The following PLXDC1 variants were observed in gnomAD, a reference collection of about 807,000 sequenced individuals.
PLXDC1 encodes the protein plexin domain-containing protein 1.
PLXDC1 carries 39 observed loss-of-function variants against 61.3 expected under a neutral mutation model. That is an observed-to-expected ratio of 0.64 (90% CI 0.49 to 0.83). The LOEUF (loss-of-function observed/expected upper bound fraction) is 0.83, where lower values mean the gene tolerates loss of function less well. PLXDC1 is among the 40% of genes least tolerant of loss of function. The probability of loss-of-function intolerance (pLI) is 0.00; values close to 1 mark genes in which losing one functional copy is unlikely to be tolerated. For missense variants in PLXDC1, 596 were observed against 666.5 expected, an observed-to-expected ratio of 0.89 and a Z score of 1.17; for synonymous variants, 212 against 254.5, an observed-to-expected ratio of 0.83 and a Z score of 1.59.
Position 39,141,495 on chromosome 17 carries a change from C to T in PLXDC1, c.77-1663G>A, listed in dbSNP as rs1911932567. Among the ~76,000 whole-genome samples the T allele has an allele frequency of 2.0e-5, 3 of 152,194 alleles. No homozygotes were observed. In the South Asian group the frequency reaches 6.2e-4, roughly 31 times the overall value. On this transcript the variant is annotated intron_variant, in intron 1 of 13. Transcript: ENST00000315392. ...TTCCTTTTGAAGGCTGAATAATATT[C>T]CATTGTGTGGATATACCACATTTTG...
chr17:39,133,234 A>C (rs1203039262), intron 2 of PLXDC1, among the ~76,000 whole-genome samples: 2 of 152,110 alleles, frequency 1.3e-5, no homozygotes, highest in African/African-American at 4.8e-5. Flanking sequence ...TGGGGGTATC[A>C]CCAGCATTCT....
chr17:39,124,151 C>A (rs1350098386), intron 2 of PLXDC1, among the ~76,000 whole-genome samples: 1 of 152,162 alleles, frequency 6.6e-6, no homozygotes, highest in Non-Finnish European at 1.5e-5. Context: ...GATTATTGGG[C>A]CCAACCCCAA....
In PLXDC1 at chr17:39,151,303, C is replaced by G. The variant is rs964065877; in HGVS notation, c.76+59G>C. On this transcript the variant is annotated intron_variant, in intron 1 of 13. Transcript: ENST00000315392. The surrounding 1 kb of genome is among the most constrained non-coding windows in gnomAD (Gnocchi z 5.2). Reference sequence around the variant, plus strand: ...CCGTCCACACCTGCCCATGCCCACACCTGACTGCCCGTCCCTCCCCGCCCC... The same window carrying G: ...CCGTCCACACCTGCCCATGCCCACAGCTGACTGCCCGTCCCTCCCCGCCCC... 1 of 1,219,644 alleles carries G rather than the reference C, an allele frequency of 8.2e-7. No individual in the cohort carries two copies. The highest frequency in any genetic ancestry group is 1.0e-6 in the Non-Finnish European group (1 of 965,520). 75.6% of individuals were successfully genotyped at this position (1,219,644 alleles called of 1,614,324 possible).
chr17:39,116,551 C>T (rs1910972621), intron 2 of PLXDC1, among the ~76,000 whole-genome samples: 1 of 152,234 alleles, frequency 6.6e-6, no homozygotes, highest in South Asian at 2.1e-4. Context: ...CAGCTGCCTC[C>T]TCTGGGAATC....
chr17:39,087,389 A>G (rs1343602948), intron 8 of PLXDC1, among the ~76,000 whole-genome samples: 2 of 152,160 alleles, frequency 1.3e-5, no homozygotes, highest in Non-Finnish European at 2.9e-5. Context: ...TCAATGTCAG[A>G]GCTGCGGCCG....
intron 1 of PLXDC1, among the ~76,000 whole-genome samples, chr17:39,143,708 G>A (rs1264902877): frequency 6.6e-6 from 1 of 152,206 alleles, no homozygotes; most frequent in Non-Finnish European, 1.5e-5. Context: ...GACCCTTGCC[G>A]GCCCCCTCTC....
rs375473667 is a variant in PLXDC1, at chr17:39,119,912, A to G, written c.256-10521T>C. Reference sequence around the variant, plus strand: ...AACTGAATGGACCCCCTCTTGGCCAATGAGACCCCAGAAAAGCTGAGTTCC... The same window carrying G: ...AACTGAATGGACCCCCTCTTGGCCAGTGAGACCCCAGAAAAGCTGAGTTCC... On this transcript the variant is annotated intron_variant, in intron 2 of 13. Transcript: ENST00000315392. Among the ~76,000 whole-genome samples the G allele has an allele frequency of 4.6e-5, 7 of 152,182 alleles. No individual in the cohort carries two copies. The South Asian group carries it at 1.5e-3, about 32-fold the overall frequency.
chr17:39,106,557 G>T (rs1910595670), intron 6 of PLXDC1, among the ~76,000 whole-genome samples: 1 of 151,286 alleles, frequency 6.6e-6, no homozygotes, highest in African/African-American at 2.4e-5. Flanking sequence ...CTGGGTTAAA[G>T]CAATCTTCCC....
rs1909402813 is a variant in PLXDC1, at chr17:39,077,906, A to G, written c.1186+7T>C. Reference sequence around the variant, plus strand: ...CTCTCTGCTCCCCTCCTGGGCTCAGAACTTACCTTCTGTGGTGAGGCTGTC... The same window carrying G: ...CTCTCTGCTCCCCTCCTGGGCTCAGGACTTACCTTCTGTGGTGAGGCTGTC... On this transcript the variant is annotated splice_region_variant and intron_variant, in intron 11 of 13. Coordinates refer to ENST00000315392, the MANE Select transcript of PLXDC1 (RefSeq NM_020405.5). 1.9e-6 allele frequency: 3 copies of G among 1,614,098 alleles called. No individual in the cohort carries two copies. In the East Asian group the frequency reaches 6.7e-5, roughly 36 times the overall value.
rs9904756 is a variant in PLXDC1, at chr17:39,067,540, G to T, written c.*300C>A. 67,946 of 260,658 alleles carry T rather than the reference G, an allele frequency of 0.26. 9,435 individuals are homozygous for T. Among genetic ancestry groups the T allele is most frequent in the Non-Finnish European group, 0.28 (38,393 of 136,910 alleles). 16.1% of individuals were successfully genotyped at this position (260,658 alleles called of 1,614,324 possible). A position where few individuals can be genotyped will look rare whatever the true frequency, so the allele number is the denominator to read the frequency against. ...GGTAAAGGCCCCTTAAACAAAAATG[G>T]AGTTAGTTATGTTAGTTCTTCTGCT... On this transcript the variant is annotated 3_prime_UTR_variant, in exon 14 of 14. Coordinates refer to ENST00000315392, the MANE Select transcript of PLXDC1 (RefSeq NM_020405.5).
chr17:39,104,216 T>C lies in PLXDC1; in HGVS notation c.811+1638A>G, dbSNP rs994659686. On this transcript the variant is annotated intron_variant, in intron 7 of 13. Coordinates refer to ENST00000315392, the MANE Select transcript of PLXDC1 (RefSeq NM_020405.5). Reference sequence around the variant, plus strand: ...ATCGCCTGCGTGTTTGCAGCAGCTGTAGGGGCAAAGTATCACTCTTATCCC... The same window carrying C: ...ATCGCCTGCGTGTTTGCAGCAGCTGCAGGGGCAAAGTATCACTCTTATCCC... 3.9e-5 allele frequency among the ~76,000 whole-genome samples: 6 copies of C among 152,184 alleles called. No homozygotes were observed. The South Asian group carries it at 6.2e-4, about 16-fold the overall frequency.
intron 2 of PLXDC1, chr17:39,137,684 G>A (rs1347250421): frequency 1.3e-5 from 2 of 152,338 alleles, no homozygotes; most frequent in East Asian, 1.9e-4. Context: ...TTTTCCCTCT[G>A]TGCAACCTTT....
intron 9 of PLXDC1, among the ~76,000 whole-genome samples, chr17:39,082,164 A>G (rs1206846047): frequency 6.6e-6 from 1 of 152,198 alleles, no homozygotes; most frequent in African/African-American, 2.4e-5. Context: ...CAGGCTGCCT[A>G]TAAAGGCGAG....
Position 39,095,353 on chromosome 17 carries a change from A to C in PLXDC1, c.812-7651T>G, listed in dbSNP as rs766741082. Among the ~76,000 whole-genome samples, 638 of 135,168 alleles carry C rather than the reference A, an allele frequency of 4.7e-3. 5 individuals are homozygous for C. Among genetic ancestry groups the C allele is most frequent in the Admixed American group, 0.011 (143 of 13,180 alleles). The allele number at this position is 135,168 out of a possible 152,430, so 88.7% of individuals were successfully genotyped here. A position where few individuals can be genotyped will look rare whatever the true frequency, so the allele number is the denominator to read the frequency against. ...AATATTTTTATTTTTTTAATAAAAGAATCCTTACGCCCCGCCCCCCCCCCC... is the reference window on the plus strand; with the variant it reads ...AATATTTTTATTTTTTTAATAAAAGCATCCTTACGCCCCGCCCCCCCCCCC... On this transcript the variant is annotated intron_variant, in intron 7 of 13. Transcript: ENST00000315392.
At chr17:39,069,078 C>G (rs1264597826) in intron 13 of PLXDC1, among the ~76,000 whole-genome samples, 1 of 152,124 alleles carries the variant, frequency 6.6e-6, no homozygotes, top group Non-Finnish European at 1.5e-5. Context: ...CAGAGGGCAG[C>G]TCTTATCATT....
At chr17:39,084,630 A>G (rs1882473) in intron 8 of PLXDC1, among the ~76,000 whole-genome samples, 117,524 of 152,144 alleles carry the variant, frequency 0.77, 45,709 homozygotes, top group Middle Eastern at 0.86. Context: ...CCCAGACGTG[A>G]TCCCAGCAGC....
intron 1 of PLXDC1, among the ~76,000 whole-genome samples, chr17:39,143,254 T>C (rs1431814283): frequency 6.6e-6 from 1 of 152,166 alleles, no homozygotes; most frequent in Non-Finnish European, 1.5e-5. Flanking sequence ...TGGATGTATA[T>C]ATGAGAACAG....
chr17:39,101,852 G>A (rs1435806540), intron 7 of PLXDC1, among the ~76,000 whole-genome samples: 4 of 152,166 alleles, frequency 2.6e-5, no homozygotes, highest in Non-Finnish European at 4.4e-5. Context: ...GCAGTGTTGC[G>A]TGGGAAGGGT....
At position 39,065,895 on chromosome 17, in the gene PLXDC1, C is replaced by G. The variant is rs927658104; in HGVS notation, c.*1945G>C. On this transcript the variant is annotated 3_prime_UTR_variant, in exon 14 of 14. Transcript: ENST00000315392. ...TCCCCACCCCACAGGCACATGCAGG[C>G]TCCAGGGAAAGCAAGTAGTTGGCAG... 6.5e-6 allele frequency: 1 copy of G among 152,724 alleles called. No homozygotes were observed. The highest frequency in any genetic ancestry group is 2.4e-5 in the African/African-American group (1 of 41,454). 9.5% of individuals were successfully genotyped at this position (152,724 alleles called of 1,614,324 possible). A position where few individuals can be genotyped will look rare whatever the true frequency, so the allele number is the denominator to read the frequency against.
Sources: gnomAD v4.1 joint callset for allele counts (sites outside exome capture counted in the v4.1 genomes callset) on GRCh38, gnomAD v4.1.1 for gene constraint, Gnocchi (gnomAD v3.1) non-coding constraint, MANE v1.5 for transcripts, NCBI Gene and HGNC (gene_info 2026-07-23, HGNC 2026-07-21) for gene names.